AGTRAP: variants seen among roughly 807,000 people sequenced by gnomAD.
The protein encoded by AGTRAP is angiotensin II receptor associated protein, also known as type-1 angiotensin II receptor-associated protein.
A neutral mutation model predicts 15.2 loss-of-function variants in AGTRAP; 7 were observed. The ratio of observed to expected loss-of-function variants is 0.46; its 90% confidence interval spans 0.26 to 0.87. AGTRAP has a LOEUF of 0.87. AGTRAP is among the 40% of genes least tolerant of loss of function. The pLI is 0.15. For synonymous variants in AGTRAP, 74 were observed against 89.6 expected, an observed-to-expected ratio of 0.83 and a Z score of 0.98; for missense variants, 187 against 213.4, an observed-to-expected ratio of 0.88 and a Z score of 0.77.
intron 1 of AGTRAP, among the ~76,000 whole-genome samples, chr1:11,742,013 C>A (rs1642041213): frequency 6.6e-6 from 1 of 152,150 alleles, no homozygotes; most frequent in South Asian, 2.1e-4. Flanking sequence ...TGGCCCTGGG[C>A]CCTGGAGGTA....
intron 1 of AGTRAP, chr1:11,744,642 G>T (rs1444332140): frequency 4.3e-6 from 3 of 698,476 alleles, no homozygotes; most frequent in African/African-American, 3.5e-5. Flanking sequence ...TTCCACAAAG[G>T]AGCCTCCCAC....
At chr1:11,737,635 T>C (rs970125176) in intron 1 of AGTRAP, among the ~76,000 whole-genome samples, 2 of 152,164 alleles carry the variant, frequency 1.3e-5, no homozygotes, top group Non-Finnish European at 2.9e-5. Context: ...TTTGAACCCA[T>C]AGGGATCAGA....
chr1:11,744,639 A>G (rs547292930), intron 1 of AGTRAP: 3 of 700,198 alleles, frequency 4.3e-6, no homozygotes, highest in East Asian at 2.8e-5. Flanking sequence ...GCATTCCACA[A>G]AGGAGCCTCC....
rs1211651571 is a variant in AGTRAP, at chr1:11,750,251, C to A, written c.*59C>A. On this transcript the variant is annotated 3_prime_UTR_variant, in exon 5 of 5. Coordinates refer to ENST00000314340, the MANE Select transcript of AGTRAP (RefSeq NM_020350.5). ...CCTTCCTCGTGCCTGGGAGGTCGTT[C>A]TAGGGATGCTCCTGACCTCCGTCTC... 1 of 1,363,680 alleles carries A rather than the reference C, an allele frequency of 7.3e-7. No homozygotes were observed. Among genetic ancestry groups the A allele is most frequent in the Admixed American group, 1.8e-5 (1 of 54,360 alleles). The allele number at this position is 1,363,680 out of a possible 1,614,324, so 84.5% of individuals were successfully genotyped here. A position where few individuals can be genotyped will look rare whatever the true frequency, so the allele number is the denominator to read the frequency against.
At chr1:11,746,182 G>A in intron 2 of AGTRAP, 1 of 1,613,484 alleles carries the variant, frequency 6.2e-7, no homozygotes. Flanking sequence ...GCTCACCTGT[G>A]CACTTTGCAA....
Position 11,747,424 on chromosome 1 carries a change from C to T in AGTRAP, c.63-16C>T, listed in dbSNP as rs779891933. The T allele has an allele frequency of 1.7e-5, 27 of 1,612,428 alleles. No homozygotes were observed. Among genetic ancestry groups the T allele is most frequent in the Non-Finnish European group, 2.3e-5 (27 of 1,178,608 alleles). On this transcript the variant is annotated splice_polypyrimidine_tract_variant and intron_variant, in intron 2 of 4. Coordinates refer to ENST00000314340, the MANE Select transcript of AGTRAP (RefSeq NM_020350.5). ...GTGGTGGCCTCCTGACGGGACTGAG[C>T]TACCTCTTCCTACAGGGGCTGCATT...
At chr1:11,737,558 G>A (rs1641929082) in intron 1 of AGTRAP, among the ~76,000 whole-genome samples, 1 of 152,190 alleles carries the variant, frequency 6.6e-6, no homozygotes, top group South Asian at 2.1e-4. Context: ...TTTTACAGAT[G>A]AGCAAACTTC....
At chr1:11,742,069 A>T (rs1642043053) in intron 1 of AGTRAP, among the ~76,000 whole-genome samples, 1 of 152,214 alleles carries the variant, frequency 6.6e-6, no homozygotes, top group Non-Finnish European at 1.5e-5. Context: ...ATCTGCCCCC[A>T]TGTGTGGACC....
At chr1:11,747,852 C>G (rs915245696) in intron 3 of AGTRAP, among the ~76,000 whole-genome samples, 3 of 152,228 alleles carry the variant, frequency 2.0e-5, no homozygotes, top group South Asian at 2.1e-4. Context: ...GTGGAACATC[C>G]CCTGTAACCT....
chr1:11,737,852 G>A (rs549552288), intron 1 of AGTRAP, among the ~76,000 whole-genome samples: 9 of 152,164 alleles, frequency 5.9e-5, no homozygotes, highest in East Asian at 1.9e-4. Flanking sequence ...CTTGGCAAAC[G>A]AGACCCCAGT....
Position 11,736,181 on chromosome 1 carries a change from G to C in AGTRAP, c.-28G>C, listed in dbSNP as rs1336350237. On this transcript the variant is annotated 5_prime_UTR_variant, in exon 1 of 5. Transcript: ENST00000314340. The stretch of plus-strand genomic sequence containing the variant: ...GAGCCTAGGAGCCCCCCGCGGCTGC[G>C]GCGCAGGTGCCCTCGGCCTGAGTCG... The C allele has an allele frequency of 1.3e-6, 2 of 1,597,040 alleles. No individual in the cohort carries two copies. Among genetic ancestry groups the C allele is most frequent in the Middle Eastern group, 1.9e-4 (1 of 5,240 alleles).
At chr1:11,742,449 C>G (rs369828079) in intron 1 of AGTRAP, among the ~76,000 whole-genome samples, 2 of 90,130 alleles carry the variant, frequency 2.2e-5, no homozygotes, top group East Asian at 8.3e-4. Flanking sequence ...TCGTTCCTTC[C>G]TTCCTTCCTT....
chr1:11,736,208 G>A lies in AGTRAP; in HGVS notation c.-1G>A. ...CGCAGGTGCCCTCGGCCTGAGTCGG[G>A]ATGGAGCTGCCTGCTGTGAACCTGA... On this transcript the variant is annotated 5_prime_UTR_variant, in exon 1 of 5. Transcript: ENST00000314340. 6.2e-7 allele frequency: 1 copy of A among 1,606,598 alleles called. No individual in the cohort carries two copies. Among genetic ancestry groups the A allele is most frequent in the Non-Finnish European group, 8.5e-7 (1 of 1,177,400 alleles).
intron 1 of AGTRAP, among the ~76,000 whole-genome samples, chr1:11,741,360 T>C (rs74054256): frequency 0.061 from 9,225 of 152,228 alleles, 867 homozygotes; most frequent in African/African-American, 0.2. Context: ...TCACTGCACC[T>C]CCATTCCTAG....
intron 1 of AGTRAP, among the ~76,000 whole-genome samples, chr1:11,737,140 C>T (rs981589996): frequency 6.6e-6 from 1 of 152,238 alleles, no homozygotes; most frequent in Non-Finnish European, 1.5e-5. Context: ...GGTTACAAAA[C>T]AATGGCTTAA....
At chr1:11,741,861 G>C (rs1185533567) in intron 1 of AGTRAP, among the ~76,000 whole-genome samples, 1 of 152,248 alleles carries the variant, frequency 6.6e-6, no homozygotes, top group Non-Finnish European at 1.5e-5. Flanking sequence ...CTAGACTTCT[G>C]TAACACACTA....
intron 4 of AGTRAP, 83 bp from the exon 5 acceptor site, chr1:11,749,994 G>A (rs1642274448): frequency 9.3e-7 from 1 of 1,077,990 alleles, no homozygotes; most frequent in African/African-American, 1.6e-5. Flanking sequence ...GGGTGGCGGG[G>A]GTGGATCTTG....
chr1:11,739,709 G>C (rs937025830), intron 1 of AGTRAP, among the ~76,000 whole-genome samples: 2 of 152,238 alleles, frequency 1.3e-5, no homozygotes, highest in African/African-American at 4.8e-5. Context: ...GTTAGGGGCA[G>C]TGCAGTGTAG....
At chr1:11,736,556 C>T (rs573980598) in intron 1 of AGTRAP, among the ~76,000 whole-genome samples, 202 of 152,314 alleles carry the variant, frequency 1.3e-3, no homozygotes, top group African/African-American at 4.7e-3. Flanking sequence ...CAGAATTCCC[C>T]TGGAGGAGGA....
Sources: gnomAD v4.1 joint callset for allele counts (sites outside exome capture counted in the v4.1 genomes callset) on GRCh38, gnomAD v4.1.1 for gene constraint, MANE v1.5 for transcripts, NCBI Gene and HGNC (gene_info 2026-07-23, HGNC 2026-07-21) for gene names.